The following MAP3K20 variants were observed in gnomAD, a reference collection of about 807,000 sequenced individuals.
The protein encoded by MAP3K20 is mitogen-activated protein kinase kinase kinase 20.
A neutral mutation model predicts 85.7 loss-of-function variants in MAP3K20; 40 were observed. The observed-to-expected ratio is 0.47, with a 90% CI of 0.36 to 0.61. The LOEUF is 0.61. Ranked by LOEUF, MAP3K20 falls within the 20% of genes least tolerant of loss-of-function variation. The pLI is 0.00. For synonymous variants in MAP3K20, 325 were observed against 327.7 expected (o/e 0.99, Z 0.09); for missense variants, 817 against 961.7 (o/e 0.85, Z 1.99).
intron 2 of MAP3K20, among the ~76,000 whole-genome samples, chr2:173,168,312 C>A (rs1209966317): frequency 6.6e-6 from 1 of 152,062 alleles, no homozygotes; most frequent in African/African-American, 2.4e-5. Context: ...GATTAAGCAG[C>A]GATAGCCCCC....
At chr2:173,174,283 A>G (rs1039495233) in intron 3 of MAP3K20, among the ~76,000 whole-genome samples, 3 of 152,076 alleles carry the variant, frequency 2.0e-5, no homozygotes, top group Non-Finnish European at 4.4e-5. Context: ...TACATGTGCC[A>G]TGGTGGTTTG....
intron 2 of MAP3K20, among the ~76,000 whole-genome samples, chr2:173,108,692 GAC>G (rs1240673740): frequency 6.6e-6 from 1 of 152,172 alleles, no homozygotes; most frequent in Non-Finnish European, 1.5e-5. Flanking sequence ...CCTTCCAGAA[GAC>G]AGTTTGAAAG....
chr2:173,184,049 T>C (rs1231467741), intron 4 of MAP3K20, among the ~76,000 whole-genome samples: 1 of 152,232 alleles, frequency 6.6e-6, no homozygotes, highest in Non-Finnish European at 1.5e-5. Flanking sequence ...TAGGGTGGTG[T>C]ACCTGAGACT....
chr2:173,076,733 C>G (rs1686873835), intron 1 of MAP3K20, among the ~76,000 whole-genome samples: 1 of 152,252 alleles, frequency 6.6e-6, no homozygotes, highest in African/African-American at 2.4e-5. Flanking sequence ...TCGGGCTTCC[C>G]CCTTTCCTCC....
intron 12 of MAP3K20, 22 bp downstream of exon 12, chr2:173,229,755 C>T: frequency 6.2e-7 from 1 of 1,613,428 alleles, no homozygotes; most frequent in Non-Finnish European, 8.5e-7. Context: ...GTATTCATGC[C>T]TTATTTGACT....
chr2:173,085,493 TTTTAA>T (rs1300078919), intron 1 of MAP3K20, among the ~76,000 whole-genome samples: 1 of 152,248 alleles, frequency 6.6e-6, no homozygotes, highest in East Asian at 1.9e-4. Flanking sequence ...TGTTTTTGAA[TTTTAA>T]TTTAAGGAAA....
chr2:173,096,539 C>G (rs1476611131), intron 2 of MAP3K20, among the ~76,000 whole-genome samples: 1 of 152,136 alleles, frequency 6.6e-6, no homozygotes, highest in East Asian at 1.9e-4. Flanking sequence ...GGGGTTTCAC[C>G]GTGTTAGCCA....
At chr2:173,113,841 G>C (rs928993538) in intron 2 of MAP3K20, among the ~76,000 whole-genome samples, 11 of 152,104 alleles carry the variant, frequency 7.2e-5, no homozygotes, top group African/African-American at 2.7e-4. Flanking sequence ...TCCATACACT[G>C]TTGAATAAAA....
chr2:173,102,189 T>C (rs1428718586), intron 2 of MAP3K20, among the ~76,000 whole-genome samples: 1 of 152,316 alleles, frequency 6.6e-6, no homozygotes, highest in African/African-American at 2.4e-5. Context: ...ATAAACATAA[T>C]GATCACATCT....
intron 2 of MAP3K20, among the ~76,000 whole-genome samples, chr2:173,156,333 C>G (rs1268964447): frequency 6.6e-6 from 1 of 152,138 alleles, no homozygotes; most frequent in Non-Finnish European, 1.5e-5. Flanking sequence ...AATTGAGGGA[C>G]TAGAAGCCTC....
At chr2:173,162,615 G>T (rs1438402164) in intron 2 of MAP3K20, among the ~76,000 whole-genome samples, 1 of 151,332 alleles carries the variant, frequency 6.6e-6, no homozygotes, top group Non-Finnish European at 1.5e-5. Flanking sequence ...GAACCCAGGA[G>T]GCGGAGGTTG....
intron 14 of MAP3K20, among the ~76,000 whole-genome samples, chr2:173,237,800 A>T (rs1244007057): frequency 6.6e-6 from 1 of 152,204 alleles, no homozygotes; most frequent in Non-Finnish European, 1.5e-5. Flanking sequence ...ACAACAGAAC[A>T]TCCACTTCTC....
At chr2:173,101,114 G>C (rs12998718) in intron 2 of MAP3K20, among the ~76,000 whole-genome samples, 20,804 of 152,144 alleles carry the variant, frequency 0.14, 1,904 homozygotes, top group Non-Finnish European at 0.2. Flanking sequence ...CACCAGAAAG[G>C]CTTCTCCTAG....
At chr2:173,227,159 G>A (rs1331675077) in intron 11 of MAP3K20, 9 of 982,750 alleles carry the variant, frequency 9.2e-6, no homozygotes, top group South Asian at 9.4e-5. Context: ...CCTTTGTTAC[G>A]TGTTGCTGTG....
intron 2 of MAP3K20, among the ~76,000 whole-genome samples, chr2:173,107,041 A>T (rs1687801489): frequency 6.6e-6 from 1 of 152,198 alleles, no homozygotes; most frequent in African/African-American, 2.4e-5. Context: ...TCCAGACAGG[A>T]ATAGTAATCG....
chr2:173,162,928 G>T (rs1376739611), intron 2 of MAP3K20, among the ~76,000 whole-genome samples: 1 of 152,182 alleles, frequency 6.6e-6, no homozygotes, highest in Non-Finnish European at 1.5e-5. Flanking sequence ...CCTGTTCTGA[G>T]TATAAGATGT....
chr2:173,161,031 T>G (rs2106239412), intron 2 of MAP3K20, among the ~76,000 whole-genome samples: 1 of 152,304 alleles, frequency 6.6e-6, no homozygotes, highest in Middle Eastern at 3.4e-3. Context: ...GGTAGAAAAT[T>G]GGAAATAGAG....
intron 14 of MAP3K20, among the ~76,000 whole-genome samples, chr2:173,234,393 A>G (rs1272222118): frequency 1.3e-5 from 2 of 152,234 alleles, no homozygotes; most frequent in African/African-American, 2.4e-5. Context: ...GACTGGGCCT[A>G]TGAAGATTCA....
At position 173,080,949 on chromosome 2, in the gene MAP3K20, A is replaced by C. The variant is rs374962338; in HGVS notation, c.-35+4947A>C. Among the ~76,000 whole-genome samples the C allele has an allele frequency of 4.3e-4, 65 of 152,334 alleles. 1 individual carries two copies. The South Asian group carries it at 0.012, about 29-fold the overall frequency. ...AGGAAAGAATTGCTGTCTGCACGTCATGTAATAAATCTTTACTTATTAAAC... is the reference window on the plus strand; with the variant it reads ...AGGAAAGAATTGCTGTCTGCACGTCCTGTAATAAATCTTTACTTATTAAAC... On this transcript the variant is annotated intron_variant, in intron 1 of 19. Transcript: ENST00000375213.
Sources: allele counts gnomAD v4.1 joint callset (sites outside exome capture counted in the v4.1 genomes callset), GRCh38; gene constraint gnomAD v4.1.1; transcripts MANE v1.5; gene names NCBI Gene and HGNC (gene_info 2026-07-23, HGNC 2026-07-21).